Variants in VTI1A observed in about 807,000 individuals in gnomAD.
VTI1A encodes the protein vesicle transport through interaction with t-SNAREs 1A.
A neutral mutation model predicts 34.9 loss-of-function variants in VTI1A; 22 were observed. The ratio of observed to expected loss-of-function variants is 0.63; its 90% CI spans 0.45 to 0.90. The LOEUF is 0.90. VTI1A is among the 40% of genes least tolerant of loss of function. The pLI is 0.00. For missense variants in VTI1A, 268 were observed against 275.6 expected (o/e 0.97, Z 0.20); for synonymous variants, 87 against 97.3 (o/e 0.89, Z 0.62).
chr10:112,626,756 A>T (rs532845398), intron 5 of VTI1A, among the ~76,000 whole-genome samples: 16 of 152,276 alleles, frequency 1.1e-4, no homozygotes, highest in African/African-American at 3.9e-4. Context: ...TACATTGGGG[A>T]TGACTTTGTT....
the VTI1A span, chr10:112,831,529 C>G: frequency 6.6e-6 from 1 of 152,226 alleles, no homozygotes; most frequent in East Asian, 1.9e-4. Flanking sequence ...TAAGAGGGAG[C>G]TGAGCAGCTT....
intron 5 of VTI1A, among the ~76,000 whole-genome samples, chr10:112,606,318 C>T (rs1251957637): frequency 1.3e-5 from 2 of 152,266 alleles, no homozygotes; most frequent in African/African-American, 2.4e-5. Flanking sequence ...AGCCACCGCG[C>T]CCGGCCATTG....
At chr10:112,467,614 T>A (rs991340048) in intron 3 of VTI1A, among the ~76,000 whole-genome samples, 1 of 152,254 alleles carries the variant, frequency 6.6e-6, no homozygotes, top group Non-Finnish European at 1.5e-5. Flanking sequence ...ATTCATGTAT[T>A]TATATGTATA....
intron 5 of VTI1A, among the ~76,000 whole-genome samples, chr10:112,657,640 TA>T (rs1246807412): frequency 2.6e-5 from 4 of 152,114 alleles, no homozygotes; most frequent in Non-Finnish European, 4.4e-5. Context: ...GTCTAAGAAC[TA>T]AAACTATAAA....
At chr10:112,774,511 G>T (rs1851901170) in intron 7 of VTI1A, among the ~76,000 whole-genome samples, 1 of 152,182 alleles carries the variant, frequency 6.6e-6, no homozygotes, top group Non-Finnish European at 1.5e-5. Flanking sequence ...TCTCCAAGGG[G>T]AAAGCCAAGT....
At chr10:112,780,983 G>A (rs771504168) in intron 7 of VTI1A, among the ~76,000 whole-genome samples, 12 of 151,844 alleles carry the variant, frequency 7.9e-5, no homozygotes, top group East Asian at 1.9e-4. Context: ...ATTTTTTGAC[G>A]AAGTCTCGCT....
At chr10:112,520,635 GTGTGTGTGTGTGTA>G (rs1030446442) in intron 3 of VTI1A, among the ~76,000 whole-genome samples, 14 of 120,624 alleles carry the variant, frequency 1.2e-4, no homozygotes, top group African/African-American at 2.9e-4. Context: ...GTGTGTGTGT[GTGTGTGTGTGTGTA>G]TATATATATA....
intron 3 of VTI1A, among the ~76,000 whole-genome samples, chr10:112,486,204 G>A (rs1262553541): frequency 6.6e-6 from 1 of 152,202 alleles, no homozygotes; most frequent in Non-Finnish European, 1.5e-5. Context: ...ATATGTGACA[G>A]CAATGGGGTG....
the VTI1A span, among the ~76,000 whole-genome samples, chr10:112,851,284 A>G: frequency 6.6e-6 from 1 of 152,178 alleles, no homozygotes; most frequent in East Asian, 1.9e-4. Context: ...TATTAGGGCA[A>G]TGATAATGAT....
chr10:112,815,160 C>T (rs1853476618), intron 7 of VTI1A, 130 bp from the exon 8 acceptor site: 2 of 540,254 alleles, frequency 3.7e-6, no homozygotes, highest in Non-Finnish European at 3.6e-6. Flanking sequence ...CACACACACA[C>T]ACACACACAC....
intron 7 of VTI1A, among the ~76,000 whole-genome samples, chr10:112,731,575 CA>C (rs34452346): frequency 0.46 from 53,489 of 116,794 alleles, 11,746 homozygotes; most frequent in African/African-American, 0.68. Flanking sequence ...AACTCCATCT[CA>C]AAAAAAAAAA....
chr10:112,780,737 CA>C (rs1289341424), intron 7 of VTI1A, among the ~76,000 whole-genome samples: 1 of 151,974 alleles, frequency 6.6e-6, no homozygotes. Flanking sequence ...CTGATAGAAC[CA>C]AAATCCTTAC....
rs1235962877 is a variant in VTI1A, at chr10:112,766,662, TA to T, written c.561-48624del. On this transcript the variant is annotated intron_variant, in intron 7 of 7. Transcript: ENST00000393077. ...GCTCAAGGAATATGGTCCAAAGAAC[TA>T]AAATCTCCCATTGGATTCCTACCAT... Among the ~76,000 whole-genome samples the T allele has an allele frequency of 1.3e-5, 2 of 152,120 alleles. 1 individual carries two copies. Among genetic ancestry groups the T allele is most frequent in the East Asian group, 3.9e-4 (2 of 5,194 alleles).
At chr10:112,499,795 C>G (rs1312727132) in intron 3 of VTI1A, among the ~76,000 whole-genome samples, 1 of 152,164 alleles carries the variant, frequency 6.6e-6, no homozygotes, top group Non-Finnish European at 1.5e-5. Flanking sequence ...TTGCCTTACC[C>G]TCACCCCCAC....
chr10:112,579,167 A>G (rs1453441778), intron 5 of VTI1A, among the ~76,000 whole-genome samples: 1 of 152,192 alleles, frequency 6.6e-6, no homozygotes, highest in Non-Finnish European at 1.5e-5. Context: ...GAGGACATTG[A>G]TGACTGTAAG....
intron 7 of VTI1A, among the ~76,000 whole-genome samples, chr10:112,791,984 C>T (rs975066083): frequency 6.6e-6 from 1 of 152,132 alleles, no homozygotes; most frequent in African/African-American, 2.4e-5. Context: ...CAATTAAAAA[C>T]TGTGGACTCG....
chr10:112,597,601 C>G (rs1396415316), intron 5 of VTI1A, among the ~76,000 whole-genome samples: 1 of 101,132 alleles, frequency 9.9e-6, no homozygotes, highest in Non-Finnish European at 2.2e-5. Context: ...TAGCTATGGC[C>G]GAGCCCAAGA....
chr10:112,507,092 G>C (rs938703757), intron 3 of VTI1A, among the ~76,000 whole-genome samples: 69 of 152,128 alleles, frequency 4.5e-4, no homozygotes, highest in African/African-American at 1.6e-3. Flanking sequence ...TTTTGTTTCA[G>C]GTGTCCAGAA....
chr10:112,837,148 C>T, the VTI1A span, among the ~76,000 whole-genome samples: 4,137 of 152,212 alleles, frequency 0.027, 107 homozygotes, highest in African/African-American at 0.055. Flanking sequence ...TGGTGAAACC[C>T]GTCTCTACTA....
Sources: allele counts gnomAD v4.1 joint callset (sites outside exome capture counted in the v4.1 genomes callset), GRCh38; gene constraint gnomAD v4.1.1; transcripts MANE v1.5; gene names NCBI Gene and HGNC (gene_info 2026-07-23, HGNC 2026-07-21).